ZNF438: variants seen among roughly 807,000 people sequenced by gnomAD.
ZNF438 encodes zinc finger protein 438.
ZNF438 carries 25 observed loss-of-function variants against 38.0 expected under a neutral mutation model. The ratio of observed to expected loss-of-function variants is 0.66; its 90% CI spans 0.48 to 0.92. The LOEUF is 0.92. Among genes scored for constraint, ZNF438 ranks in the 40% least tolerant of loss-of-function variants. The pLI is 0.00. For synonymous variants in ZNF438, 372 were observed against 364.1 expected (o/e 1.02, Z -0.25); for missense variants, 1,007 against 999.6 (o/e 1.01, Z -0.10).
chr10:30,965,471 C>A (rs528947532), intron 1 of ZNF438, among the ~76,000 whole-genome samples: 77 of 152,286 alleles, frequency 5.1e-4, no homozygotes, highest in African/African-American at 1.6e-3. Context: ...GACACATGAA[C>A]TCCTATGTTC....
At chr10:31,030,445 T>C (rs1296101637) in intron 1 of ZNF438, among the ~76,000 whole-genome samples, 1 of 152,224 alleles carries the variant, frequency 6.6e-6, no homozygotes, top group Non-Finnish European at 1.5e-5. Context: ...CCAATGCGAA[T>C]CTCCTAATAA....
chr10:30,844,840 T>G (rs1160722912), exon 6 of ZNF438: 6 of 1,238,574 alleles, frequency 4.8e-6, no homozygotes, highest in Non-Finnish European at 6.7e-6. Context: ...AAAAATCATT[T>G]CTGTTCACTC....
At chr10:31,006,070 A>C (rs1362327764) in intron 1 of ZNF438, among the ~76,000 whole-genome samples, 2 of 152,200 alleles carry the variant, frequency 1.3e-5, no homozygotes, top group Non-Finnish European at 2.9e-5. Context: ...ATTACATGGT[A>C]TGATATTGTG....
intron 1 of ZNF438, among the ~76,000 whole-genome samples, chr10:30,989,838 T>C (rs1490446977): frequency 6.6e-6 from 1 of 151,660 alleles, no homozygotes; most frequent in Non-Finnish European, 1.5e-5. Flanking sequence ...CACCATAGTC[T>C]CAAGTTTGAA....
At chr10:30,872,076 A>G (rs2037497097) in intron 4 of ZNF438, among the ~76,000 whole-genome samples, 1 of 152,108 alleles carries the variant, frequency 6.6e-6, no homozygotes, top group Non-Finnish European at 1.5e-5. Flanking sequence ...GGCAAACTTA[A>G]CTGTAAGGCT....
chr10:30,986,172 C>T (rs942178265), intron 1 of ZNF438, among the ~76,000 whole-genome samples: 3 of 152,142 alleles, frequency 2.0e-5, no homozygotes, highest in Admixed American at 6.5e-5. Context: ...CCTAATGATA[C>T]ATTTCTCAGA....
chr10:30,923,102 T>G (rs1453010951), intron 2 of ZNF438, among the ~76,000 whole-genome samples: 1 of 152,222 alleles, frequency 6.6e-6, no homozygotes, highest in Non-Finnish European at 1.5e-5. Flanking sequence ...AATGATGGCA[T>G]AATTGAATTG....
chr10:30,948,489 T>G (rs960957757), intron 1 of ZNF438, among the ~76,000 whole-genome samples: 1 of 151,938 alleles, frequency 6.6e-6, no homozygotes, highest in Non-Finnish European at 1.5e-5. Context: ...GGCAAAGAAG[T>G]TGAAAACTTT....
intron 2 of ZNF438, among the ~76,000 whole-genome samples, chr10:30,931,856 C>A (rs1439252382): frequency 6.6e-6 from 1 of 152,104 alleles, no homozygotes; most frequent in African/African-American, 2.4e-5. Context: ...AATATTTGTT[C>A]CCTTGGGAGG....
intron 3 of ZNF438, among the ~76,000 whole-genome samples, chr10:30,885,574 T>G (rs1027341): frequency 6.6e-6 from 1 of 152,076 alleles, no homozygotes; most frequent in Admixed American, 6.5e-5. Flanking sequence ...AAATTAAGCA[T>G]CTTGCTCAAG....
intron 1 of ZNF438, among the ~76,000 whole-genome samples, chr10:30,997,201 TACAA>T (rs1482040803): frequency 6.6e-6 from 1 of 151,844 alleles, no homozygotes; most frequent in Admixed American, 6.6e-5. Context: ...AAGAATAATG[TACAA>T]ACAAATGAAA....
chr10:30,868,259 TG>T (rs1287406054), intron 4 of ZNF438, among the ~76,000 whole-genome samples: 1 of 152,054 alleles, frequency 6.6e-6, no homozygotes, highest in Non-Finnish European at 1.5e-5. Context: ...TTAGTAGAGA[TG>T]GGGTTTCACT....
chr10:30,956,550 CTCT>C (rs2048885672), intron 1 of ZNF438, among the ~76,000 whole-genome samples: 1 of 152,162 alleles, frequency 6.6e-6, no homozygotes, highest in South Asian at 2.1e-4. Context: ...TGACCAACCT[CTCT>C]TCATCTCTCC....
intron 1 of ZNF438, among the ~76,000 whole-genome samples, chr10:30,989,987 C>A (rs1053615346): frequency 1.3e-5 from 2 of 152,152 alleles, no homozygotes; most frequent in East Asian, 3.9e-4. Context: ...AGAGAAATAG[C>A]TGAATCTAGG....
chr10:30,898,270 T>C (rs1422641268), intron 3 of ZNF438, among the ~76,000 whole-genome samples: 1 of 152,192 alleles, frequency 6.6e-6, no homozygotes, highest in African/African-American at 2.4e-5. Context: ...GTATCAACAA[T>C]GAGAACAACA....
intron 2 of ZNF438, among the ~76,000 whole-genome samples, chr10:30,929,698 T>C (rs2045403564): frequency 6.6e-6 from 1 of 152,230 alleles, no homozygotes; most frequent in South Asian, 2.1e-4. Flanking sequence ...GAGGGCTGAC[T>C]GATCCATTTT....
intron 1 of ZNF438, among the ~76,000 whole-genome samples, chr10:30,962,020 CCAT>C (rs2049551502): frequency 6.8e-6 from 1 of 146,794 alleles, no homozygotes; most frequent in Non-Finnish European, 1.5e-5. Flanking sequence ...CTGGTTCTCT[CCAT>C]CAGTTTAGGT....
intron 2 of ZNF438, among the ~76,000 whole-genome samples, chr10:30,933,916 G>A (rs2045953438): frequency 6.6e-6 from 1 of 152,222 alleles, no homozygotes; most frequent in Non-Finnish European, 1.5e-5. Context: ...GGAGACCGAG[G>A]TGGGTGAATC....
rs146959178 is a variant in ZNF438, at chr10:30,905,272, A to T, written c.-32+3661T>A. On this transcript the variant is annotated intron_variant, in intron 3 of 5. Coordinates refer to ENST00000413025, the Ensembl canonical transcript of ZNF438. ...GGGTTTCCAATGTCAACAAATCCTC[A>T]CTAATACTTGTTTTTGTCCATATTT... Among the ~76,000 whole-genome samples the T allele has an allele frequency of 2.0e-5, 3 of 152,316 alleles. No homozygotes were observed. The East Asian group carries it at 5.8e-4, about 29-fold the overall frequency.
Sources: allele counts gnomAD v4.1 joint callset (sites outside exome capture counted in the v4.1 genomes callset), GRCh38; gene constraint gnomAD v4.1.1; transcripts MANE v1.5; gene names NCBI Gene and HGNC (gene_info 2026-07-23, HGNC 2026-07-21).